Variants in PTPRD observed in about 807,000 individuals in gnomAD.
PTPRD encodes the protein protein tyrosine phosphatase receptor type D, also known as receptor-type tyrosine-protein phosphatase delta.
In PTPRD, 34 loss-of-function variants were observed where a neutral mutation model predicts 214.5. The ratio of observed to expected loss-of-function variants is 0.16; its 90% CI spans 0.12 to 0.21. PTPRD has a LOEUF of 0.21. Among genes scored for constraint, PTPRD ranks in the 10% least tolerant of loss-of-function variants. The pLI is 1.00. For synonymous variants in PTPRD, 1,128 were observed against 845.7 expected, an observed-to-expected ratio of 1.33 and a Z score of -5.79; for missense variants, 2,545 against 2,398.7, an observed-to-expected ratio of 1.06 and a Z score of -1.27.
intron 2 of PTPRD, among the ~76,000 whole-genome samples, chr9:10,493,153 C>A (rs568045114): frequency 6.6e-6 from 1 of 152,010 alleles, no homozygotes; most frequent in Non-Finnish European, 1.5e-5. Flanking sequence ...TAATCAATAT[C>A]GTGAAAATGG....
intron 9 of PTPRD, among the ~76,000 whole-genome samples, chr9:9,230,112 G>A (rs10977593): frequency 2.6e-5 from 4 of 152,120 alleles, no homozygotes; most frequent in South Asian, 2.1e-4. Context: ...ACTGATAGGA[G>A]TGTATTTTGT....
intron 2 of PTPRD, among the ~76,000 whole-genome samples, chr9:10,516,243 T>C (rs1018761507): frequency 2.0e-5 from 3 of 151,868 alleles, no homozygotes; most frequent in Non-Finnish European, 2.9e-5. Context: ...ACTTGTCTTT[T>C]TTTAAAAAAA....
At chr9:9,255,568 G>A (rs1398072775) in intron 9 of PTPRD, among the ~76,000 whole-genome samples, 4 of 152,022 alleles carry the variant, frequency 2.6e-5, no homozygotes, top group Admixed American at 2.6e-4. Flanking sequence ...TGCCTTTTAA[G>A]TGATTACATA....
chr9:9,121,342 G>C (rs1445773364), intron 10 of PTPRD, among the ~76,000 whole-genome samples: 2 of 152,146 alleles, frequency 1.3e-5, no homozygotes, highest in Non-Finnish European at 2.9e-5. Flanking sequence ...CAGAGGAAAA[G>C]AAGTTATTAT....
intron 3 of PTPRD, among the ~76,000 whole-genome samples, chr9:10,172,120 G>A (rs117758192): frequency 0.01 from 1,533 of 152,252 alleles, 12 homozygotes; most frequent in Middle Eastern, 0.017. Flanking sequence ...TTCTTAAGGA[G>A]TCAAAATCTA....
chr9:9,286,850 T>A (rs1949546819), intron 9 of PTPRD, among the ~76,000 whole-genome samples: 1 of 115,738 alleles, frequency 8.6e-6, no homozygotes, highest in African/African-American at 3.4e-5. Context: ...ACAGAACAGC[T>A]CAAGGCAGTC....
At chr9:9,279,471 C>G (rs1204760110) in intron 9 of PTPRD, among the ~76,000 whole-genome samples, 1 of 149,822 alleles carries the variant, frequency 6.7e-6, no homozygotes, top group Non-Finnish European at 1.5e-5. Context: ...CTTCTTTTCC[C>G]TTTCTTAATG....
chr9:8,552,139 C>T (rs141021991), intron 14 of PTPRD, among the ~76,000 whole-genome samples: 52 of 152,214 alleles, frequency 3.4e-4, no homozygotes, highest in African/African-American at 1.1e-3. Context: ...CCTCCTTGCA[C>T]GGTTTCTAAC....
At chr9:9,929,573 T>C (rs2085626111) in intron 5 of PTPRD, among the ~76,000 whole-genome samples, 1 of 152,132 alleles carries the variant, frequency 6.6e-6, no homozygotes, top group Non-Finnish European at 1.5e-5. Context: ...TTTATATTTT[T>C]AGTAGAGACA....
chr9:9,248,040 G>A (rs372780504), intron 9 of PTPRD, among the ~76,000 whole-genome samples: 5 of 151,884 alleles, frequency 3.3e-5, no homozygotes, highest in Non-Finnish European at 5.9e-5. Context: ...ATTGAGTAAC[G>A]TGTTAAGTCA....
At chr9:10,471,937 C>G (rs1414557) in intron 2 of PTPRD, among the ~76,000 whole-genome samples, 133,942 of 152,018 alleles carry the variant, frequency 0.88, 59,171 homozygotes, top group East Asian at 1. Flanking sequence ...TCACAAGGCC[C>G]GACAATTCAA....
At chr9:8,814,494 G>C (rs1402264151) in intron 11 of PTPRD, among the ~76,000 whole-genome samples, 2 of 152,122 alleles carry the variant, frequency 1.3e-5, no homozygotes, top group East Asian at 1.9e-4. Context: ...GAAAGGGTGA[G>C]GTCAACAGCA....
chr9:9,446,012 G>C (rs12379358), intron 8 of PTPRD, among the ~76,000 whole-genome samples: 23,412 of 152,106 alleles, frequency 0.15, 1,908 homozygotes, highest in Middle Eastern at 0.29. Context: ...TGAATTTAAA[G>C]AACTCCACTT....
At chr9:8,429,948 C>T (rs895442695) in intron 35 of PTPRD, among the ~76,000 whole-genome samples, 4 of 152,190 alleles carry the variant, frequency 2.6e-5, no homozygotes, top group African/African-American at 9.6e-5. Context: ...TAACTTGAAA[C>T]TAGATGTCTG....
chr9:10,535,572 A>C (rs924165818), intron 2 of PTPRD, among the ~76,000 whole-genome samples: 1 of 152,152 alleles, frequency 6.6e-6, no homozygotes, highest in African/African-American at 2.4e-5. Flanking sequence ...TGAAATAATC[A>C]AGTCACCACA....
At chr9:8,891,132 A>T (rs1046104022) in intron 11 of PTPRD, among the ~76,000 whole-genome samples, 6 of 102,750 alleles carry the variant, frequency 5.8e-5, no homozygotes, top group Non-Finnish European at 1.1e-4. Flanking sequence ...CTTTGAATTA[A>T]TCTAATTTTT....
At chr9:8,926,919 C>A (rs1025870173) in intron 11 of PTPRD, among the ~76,000 whole-genome samples, 2 of 152,062 alleles carry the variant, frequency 1.3e-5, no homozygotes, top group Non-Finnish European at 2.9e-5. Context: ...ATCATTTGAG[C>A]CCAGGGAATA....
intron 5 of PTPRD, among the ~76,000 whole-genome samples, chr9:9,794,159 GTATA>G (rs756391831): frequency 4.3e-5 from 2 of 46,214 alleles, no homozygotes; most frequent in African/African-American, 1.1e-4. Context: ...ATATGTACAT[GTATA>G]TATATATATA....
intron 2 of PTPRD, among the ~76,000 whole-genome samples, chr9:10,464,180 T>G (rs1172020262): frequency 6.6e-6 from 1 of 152,034 alleles, no homozygotes; most frequent in Non-Finnish European, 1.5e-5. Flanking sequence ...GGTGGATAAC[T>G]TGAGGTCAGG....
Sources: gnomAD v4.1 joint callset for allele counts (sites outside exome capture counted in the v4.1 genomes callset) on GRCh38, gnomAD v4.1.1 for gene constraint, MANE v1.5 for transcripts, NCBI Gene and HGNC (gene_info 2026-07-23, HGNC 2026-07-21) for gene names.